Variants in RBBP8 observed in about 807,000 individuals in gnomAD.
RBBP8 encodes the protein RB binding protein 8, endonuclease, also known as DNA endonuclease RBBP8.
RBBP8 carries 88 observed loss-of-function variants against 108.3 expected under a neutral mutation model. The ratio of observed to expected loss-of-function variants is 0.81; its 90% CI spans 0.68 to 0.97. RBBP8 has a LOEUF of 0.97. RBBP8 is among the 50% of genes least tolerant of loss of function. The pLI is 0.00. For synonymous variants in RBBP8, 332 were observed against 348.2 expected (o/e 0.95, Z 0.52); for missense variants, 1,023 against 1,049.0 (o/e 0.98, Z 0.34).
At chr18:23,003,612 G>A (rs2045984053) in intron 15 of RBBP8, among the ~76,000 whole-genome samples, 1 of 152,278 alleles carries the variant, frequency 6.6e-6, no homozygotes, top group African/African-American at 2.4e-5. Context: ...AGCTATTTGA[G>A]TCTAGACATC....
chr18:22,981,096 C>T (rs968316663), intron 6 of RBBP8, among the ~76,000 whole-genome samples: 7 of 148,938 alleles, frequency 4.7e-5, no homozygotes, highest in African/African-American at 1.5e-4. Context: ...CTCAGTCTCC[C>T]GGGAGCTGGG....
At chr18:22,932,847 T>G (rs891135815), upstream of RBBP8, among the ~76,000 whole-genome samples, 1 of 152,226 alleles carries the variant, frequency 6.6e-6, no homozygotes, top group Non-Finnish European at 1.5e-5. Flanking sequence ...TGCCAGAAAC[T>G]TCCCGTTTAA....
intron 9 of RBBP8, among the ~76,000 whole-genome samples, chr18:22,989,803 G>T (rs1915557414): frequency 6.6e-6 from 1 of 152,030 alleles, no homozygotes; most frequent in Non-Finnish European, 1.5e-5. Flanking sequence ...CTCCCAAATA[G>T]CTGGGACTAC....
At chr18:22,959,202 T>G (rs531417774) in intron 4 of RBBP8, among the ~76,000 whole-genome samples, 2 of 152,306 alleles carry the variant, frequency 1.3e-5, no homozygotes, top group Non-Finnish European at 2.9e-5. Context: ...CTCGAAAATA[T>G]TTTTATTCTA....
intron 6 of RBBP8, among the ~76,000 whole-genome samples, chr18:22,981,991 T>G (rs1914961607): frequency 6.6e-6 from 1 of 152,226 alleles, no homozygotes; most frequent in African/African-American, 2.4e-5. Context: ...ACTTTTAATT[T>G]CACCTGAAGT....
chr18:22,989,115 G>A (rs1434229234), intron 8 of RBBP8, 106 bp from the exon 9 acceptor site: 2 of 776,890 alleles, frequency 2.6e-6, no homozygotes, highest in Non-Finnish European at 4.2e-6. Flanking sequence ...ATCTTATGAA[G>A]TGTGAGCCTT....
chr18:22,999,350 A>AAACT (rs2045909592), intron 14 of RBBP8, among the ~76,000 whole-genome samples: 5 of 152,188 alleles, frequency 3.3e-5, no homozygotes, highest in African/African-American at 1.2e-4. Flanking sequence ...GAAACAGCAG[A>AAACT]GGGCTGGGCA....
At chr18:22,999,455 G>C (rs898504567) in intron 14 of RBBP8, among the ~76,000 whole-genome samples, 5 of 152,148 alleles carry the variant, frequency 3.3e-5, no homozygotes, top group African/African-American at 1.2e-4. Context: ...TAAGTTCCCA[G>C]AGTTGGCACC....
chr18:22,944,070 A>G (rs922699811), intron 2 of RBBP8, among the ~76,000 whole-genome samples: 20 of 152,234 alleles, frequency 1.3e-4, no homozygotes, highest in Admixed American at 1.2e-3. Flanking sequence ...TACAGGAGCT[A>G]CATTGTTGTA....
At chr18:23,024,867 C>T (rs1284078690) in intron 18 of RBBP8, among the ~76,000 whole-genome samples, 1 of 152,132 alleles carries the variant, frequency 6.6e-6, no homozygotes, top group African/African-American at 2.4e-5. Flanking sequence ...AAAATTTTTA[C>T]CCACAAGACG....
intron 2 of RBBP8, among the ~76,000 whole-genome samples, chr18:22,942,147 C>T (rs908013594): frequency 3.9e-5 from 6 of 151,976 alleles, no homozygotes; most frequent in African/African-American, 1.5e-4. Flanking sequence ...CTTGTCTGGA[C>T]TTTGCAGGTT....
At chr18:22,922,654 G>A (rs1215858797) in intron 3 of RBBP8, among the ~76,000 whole-genome samples, 1 of 152,010 alleles carries the variant, frequency 6.6e-6, no homozygotes, top group South Asian at 2.1e-4. Context: ...CTGTAGCAAC[G>A]GGGTTTCCTC....
upstream of RBBP8, chr18:22,933,182 C>T (rs1910147710): frequency 6.6e-6 from 1 of 152,314 alleles, no homozygotes; most frequent in African/African-American, 2.4e-5. Flanking sequence ...TCGGGTAGCT[C>T]CCGGCAGCTC....
At chr18:23,001,960 G>A (rs560770095) in intron 15 of RBBP8, among the ~76,000 whole-genome samples, 125 of 152,220 alleles carry the variant, frequency 8.2e-4, no homozygotes, top group African/African-American at 2.9e-3. Flanking sequence ...TTATGTTAAT[G>A]TGTTATATAG....
chr18:22,997,686 G>C lies in RBBP8; in HGVS notation c.2095G>C (p.Val699Leu). 1 of 1,609,478 alleles carries C rather than the reference G, an allele frequency of 6.2e-7. No homozygotes were observed. The change falls in exon 14 of 19, where the codon GTT becomes CTT. Residue 699 changes from valine (V) to leucine (L), a missense_variant. By Grantham distance (32) the Val-to-Leu change is conservative (BLOSUM62 1). Transcript: ENST00000327155. ...GGACTGTACATTGGTTAGTGAAACC[G>C]TTCTCTTAAAAATGAAGAAGCAAGA... is the stretch of plus-strand genomic sequence containing the variant. ...DMDCTLVSETVLLKMKKQEQK... is the reference protein window; with the variant it reads ...DMDCTLVSETLLLKMKKQEQK...
chr18:23,025,684 A>G lies in RBBP8; in HGVS notation c.2597-459A>G, dbSNP rs76661852. Among the ~76,000 whole-genome samples, 1,361 of 152,378 alleles carry G rather than the reference A, an allele frequency of 8.9e-3. 10 individuals carry two copies. Among genetic ancestry groups the G allele is most frequent in the Non-Finnish European group, 0.015 (1,005 of 68,048 alleles). On this transcript the variant is annotated intron_variant, in intron 18 of 18. Coordinates refer to ENST00000327155, the MANE Select transcript of RBBP8 (RefSeq NM_002894.3). Reference sequence around the variant, plus strand: ...TATTTTTGATAAGTACCTGAAATTTATAATAGTAGAGTTCATGTTTAGCAC... The same window carrying G: ...TATTTTTGATAAGTACCTGAAATTTGTAATAGTAGAGTTCATGTTTAGCAC...
chr18:22,985,796 A>G (rs1003298324), intron 8 of RBBP8, among the ~76,000 whole-genome samples: 9 of 151,996 alleles, frequency 5.9e-5, no homozygotes, highest in African/African-American at 2.2e-4. Flanking sequence ...GAGGATGGAG[A>G]CACATATGGA....
chr18:23,026,191 A>G lies in RBBP8; in HGVS notation c.2645A>G (p.Gln882Arg). ...CCTTGTCCTCGTCCAAAAAGACGTC[A>G]GCCTTACAACGCAATATTTTCTCCA... is the stretch of plus-strand genomic sequence containing the variant. ...LDPCPRPKRR[Q>R]PYNAIFSPKG... The change falls in exon 19 of 19, where the codon CAG becomes CGG. Residue 882 changes from glutamine to arginine, a missense_variant. Coordinates refer to ENST00000327155, the MANE Select transcript of RBBP8 (RefSeq NM_002894.3). 1.2e-6 allele frequency: 2 copies of G among 1,613,910 alleles called. No homozygotes were observed. Among genetic ancestry groups the G allele is most frequent in the Non-Finnish European group, 1.7e-6 (2 of 1,179,852 alleles).
chr18:23,014,311 A>G (rs1598745517), intron 16 of RBBP8, among the ~76,000 whole-genome samples: 2 of 152,194 alleles, frequency 1.3e-5, no homozygotes, highest in African/African-American at 4.8e-5. Context: ...TATTTAAGAA[A>G]TACAGTTTGT....
Sources: gnomAD v4.1 joint callset for allele counts (sites outside exome capture counted in the v4.1 genomes callset) on GRCh38, gnomAD v4.1.1 for gene constraint, MANE v1.5 for transcripts, NCBI Gene and HGNC (gene_info 2026-07-23, HGNC 2026-07-21) for gene names.